Variants in RANBP2 observed in about 807,000 individuals in gnomAD.
The protein encoded by RANBP2 is E3 SUMO-protein ligase RanBP2.
In RANBP2, 57 loss-of-function variants were observed where a neutral mutation model predicts 303.6. That is an observed-to-expected ratio of 0.19 (90% CI 0.15 to 0.23). The LOEUF is 0.23. RANBP2 is among the 10% of genes least tolerant of loss of function. RANBP2 has a pLI of 1.00. For missense variants in RANBP2, 3,138 were observed against 3,780.8 expected (o/e 0.83, Z 4.46); for synonymous variants, 1,167 against 1,301.5 (o/e 0.90, Z 2.23).
At chr2:109,572,423 G>A in the RANBP2 span, among the ~76,000 whole-genome samples, 5 of 150,746 alleles carry the variant, frequency 3.3e-5, no homozygotes, top group East Asian at 2.0e-4. Flanking sequence ...ACGAGCCACC[G>A]TACCTGGCCT....
the RANBP2 span, among the ~76,000 whole-genome samples, chr2:109,327,315 TG>T: frequency 6.6e-6 from 1 of 152,222 alleles, no homozygotes; most frequent in Non-Finnish European, 1.5e-5. Flanking sequence ...TCCCTGCCGC[TG>T]GTAAATCACA....
chr2:109,338,278 A>G, the RANBP2 span, among the ~76,000 whole-genome samples: 3 of 152,192 alleles, frequency 2.0e-5, no homozygotes, highest in African/African-American at 7.2e-5. Context: ...TTTTGCAGGT[A>G]CGGAAACTGA....
intron 23 of RANBP2, 59 bp downstream of exon 23, chr2:108,773,105 A>G: frequency 6.7e-7 from 1 of 1,484,438 alleles, no homozygotes; most frequent in Non-Finnish European, 9.2e-7. Flanking sequence ...GATGCAGTAA[A>G]CTTTAGAATG....
At chr2:109,290,480 T>G in the RANBP2 span, among the ~76,000 whole-genome samples, 6 of 152,278 alleles carry the variant, frequency 3.9e-5, no homozygotes, top group Non-Finnish European at 8.8e-5. Flanking sequence ...GTTCGTATTC[T>G]ATAGCGCCCA....
At chr2:109,696,738 C>T in the RANBP2 span, among the ~76,000 whole-genome samples, 73 of 152,180 alleles carry the variant, frequency 4.8e-4, no homozygotes, top group Admixed American at 1.5e-3. Flanking sequence ...TTAACAGTAG[C>T]GAGTATTGTA....
At chr2:109,138,104 C>T in the RANBP2 span, among the ~76,000 whole-genome samples, 1 of 152,240 alleles carries the variant, frequency 6.6e-6, no homozygotes, top group Non-Finnish European at 1.5e-5. Flanking sequence ...CTACCTCCGC[C>T]TCCAGGGTTC....
At chr2:109,136,987 T>TAAA in the RANBP2 span, among the ~76,000 whole-genome samples, 1 of 152,198 alleles carries the variant, frequency 6.6e-6, no homozygotes, top group African/African-American at 2.4e-5. Context: ...ACTGCACAGA[T>TAAA]ATTTAAGTAC....
chr2:108,966,397 G>T, the RANBP2 span, among the ~76,000 whole-genome samples: 1 of 152,226 alleles, frequency 6.6e-6, no homozygotes, highest in African/African-American at 2.4e-5. Context: ...CAGTGGCATT[G>T]GAGGCCAGCC....
the RANBP2 span, among the ~76,000 whole-genome samples, chr2:109,376,942 C>T: frequency 6.6e-6 from 1 of 152,250 alleles, no homozygotes; most frequent in African/African-American, 2.4e-5. Context: ...AATGTGAGGA[C>T]AGACAGAGAT....
At chr2:108,722,726 T>C (rs2149065451) in intron 1 of RANBP2, among the ~76,000 whole-genome samples, 1 of 150,534 alleles carries the variant, frequency 6.6e-6, no homozygotes, top group South Asian at 2.1e-4. Context: ...AATCCGTCTC[T>C]ATTAAAAATA....
chr2:108,866,363 A>G, the RANBP2 span, among the ~76,000 whole-genome samples: 2 of 152,206 alleles, frequency 1.3e-5, no homozygotes, highest in Non-Finnish European at 2.9e-5. Flanking sequence ...CTTATAAGCT[A>G]ACATTCACAG....
chr2:109,147,577 G>C, the RANBP2 span, among the ~76,000 whole-genome samples: 1 of 152,210 alleles, frequency 6.6e-6, no homozygotes, highest in Non-Finnish European at 1.5e-5. Context: ...AAGAGGCCTA[G>C]TCAATTATTC....
the RANBP2 span, among the ~76,000 whole-genome samples, chr2:109,624,022 G>C: frequency 6.6e-6 from 1 of 152,218 alleles, no homozygotes; most frequent in Non-Finnish European, 1.5e-5. Context: ...GCACTGCACA[G>C]CTTGGGAAGG....
intron 6 of RANBP2, among the ~76,000 whole-genome samples, chr2:108,738,552 A>G (rs1406378075): frequency 6.6e-6 from 1 of 151,708 alleles, no homozygotes; most frequent in Non-Finnish European, 1.5e-5. Flanking sequence ...ATCAGTGTTT[A>G]TTACATTAGA....
chr2:109,733,216 A>G, the RANBP2 span: 1 of 409,842 alleles, frequency 2.4e-6, no homozygotes, highest in Non-Finnish European at 4.8e-6. Context: ...ATCTGCTACT[A>G]TAAGGATTAT....
the RANBP2 span, among the ~76,000 whole-genome samples, chr2:109,102,711 G>A: frequency 5.1e-4 from 78 of 152,252 alleles, no homozygotes; most frequent in African/African-American, 1.8e-3. Flanking sequence ...GATGAGGAAG[G>A]GAGAGGAAGG....
chr2:109,376,658 AC>A, the RANBP2 span, among the ~76,000 whole-genome samples: 2 of 151,972 alleles, frequency 1.3e-5, no homozygotes, highest in African/African-American at 4.8e-5. Flanking sequence ...ACTGAAAAAG[AC>A]CCCCCAGAGA....
At chr2:109,070,668 T>A in the RANBP2 span, among the ~76,000 whole-genome samples, 16 of 152,238 alleles carry the variant, frequency 1.1e-4, no homozygotes, top group African/African-American at 3.9e-4. Context: ...GACACTAGCC[T>A]GGGAAACAGG....
intron 17 of RANBP2, among the ~76,000 whole-genome samples, chr2:108,755,952 G>C (rs1481185938): frequency 6.6e-6 from 1 of 151,816 alleles, no homozygotes; most frequent in East Asian, 1.9e-4. Flanking sequence ...TTGAACTTCT[G>C]ACCTCAGGTG....
Sources: allele counts gnomAD v4.1 joint callset (sites outside exome capture counted in the v4.1 genomes callset), GRCh38; gene constraint gnomAD v4.1.1; transcripts MANE v1.5; gene names NCBI Gene and HGNC (gene_info 2026-07-23, HGNC 2026-07-21).